Variants in VGLL3 observed in about 807,000 individuals in gnomAD.
The protein encoded by VGLL3 is transcription cofactor vestigial-like protein 3.
A neutral mutation model predicts 29.2 loss-of-function variants in VGLL3; 18 were observed. That is an observed-to-expected ratio of 0.62 (90% CI 0.43 to 0.91). VGLL3 has a LOEUF of 0.91. Among genes scored for constraint, VGLL3 ranks in the 40% least tolerant of loss-of-function variants. VGLL3 has a pLI of 0.00. For synonymous variants in VGLL3, 180 were observed against 151.8 expected (o/e 1.19, Z -1.36); for missense variants, 440 against 413.2 (o/e 1.06, Z -0.56).
intron 3 of VGLL3, 33 bp from the exon 4 acceptor site, chr3:86,947,100 A>C: frequency 1.3e-6 from 1 of 780,154 alleles, no homozygotes; most frequent in South Asian, 1.3e-5. Flanking sequence ...AAAAATAAAG[A>C]ACATTAATAC....
At chr3:86,975,049 CA>C (rs1705179534) in intron 2 of VGLL3, among the ~76,000 whole-genome samples, 2 of 152,160 alleles carry the variant, frequency 1.3e-5, no homozygotes, top group South Asian at 4.1e-4. Flanking sequence ...AAAATCTTTA[CA>C]ATAACTCTAT....
chr3:86,940,422 C>A lies in VGLL3; in HGVS notation c.*6602G>T, dbSNP rs1290815490. 1 of 152,554 alleles carries A rather than the reference C, an allele frequency of 6.6e-6. No homozygotes were observed. The highest frequency in any genetic ancestry group is 1.5e-5 in the Non-Finnish European group (1 of 68,004). 9.5% of individuals were successfully genotyped at this position (152,554 alleles called of 1,614,324 possible). On this transcript the variant is annotated 3_prime_UTR_variant, in exon 4 of 4. Coordinates refer to ENST00000398399, the MANE Select transcript of VGLL3 (RefSeq NM_016206.4). Reference sequence around the variant, plus strand: ...AATATACCCCATTTCATTTTCTTTTCCATTATAAACATGTATTTTATAATC... The same window carrying A: ...AATATACCCCATTTCATTTTCTTTTACATTATAAACATGTATTTTATAATC...
At chr3:86,963,725 C>G (rs1029664619) in intron 3 of VGLL3, among the ~76,000 whole-genome samples, 2 of 152,120 alleles carry the variant, frequency 1.3e-5, no homozygotes, top group Admixed American at 1.3e-4. Flanking sequence ...AATTTAATCT[C>G]AAAACAATCC....
rs1454699828 is a variant in VGLL3 at position 86,941,055 on chromosome 3, G to A, written c.*5969C>T. ...AAATTCACTACACTGTATTTTTGTT[G>A]ACAAAAGCATTTCACCTTACCTAGA... On this transcript the variant is annotated 3_prime_UTR_variant, in exon 4 of 4. Transcript: ENST00000398399. The A allele has an allele frequency of 6.6e-6, 1 of 151,948 alleles. No homozygotes were observed. The highest frequency in any genetic ancestry group is 1.5e-5 in the Non-Finnish European group (1 of 67,800). 9.4% of individuals were successfully genotyped at this position (151,948 alleles called of 1,614,324 possible). A position where few individuals can be genotyped will look rare whatever the true frequency, so the allele number is the denominator to read the frequency against.
intron 3 of VGLL3, among the ~76,000 whole-genome samples, chr3:86,958,039 T>C (rs1440293772): frequency 6.6e-6 from 1 of 152,190 alleles, no homozygotes; most frequent in Non-Finnish European, 1.5e-5. Flanking sequence ...CACACTTTTT[T>C]GTTATTATTT....
chr3:86,967,509 G>A (rs956981568), intron 3 of VGLL3, among the ~76,000 whole-genome samples: 19 of 152,106 alleles, frequency 1.2e-4, no homozygotes, highest in African/African-American at 4.1e-4. Context: ...AAATAAGAAC[G>A]TTCCACTCAT....
At chr3:86,958,707 T>C (rs1325974531) in intron 3 of VGLL3, among the ~76,000 whole-genome samples, 1 of 152,194 alleles carries the variant, frequency 6.6e-6, no homozygotes, top group Non-Finnish European at 1.5e-5. Flanking sequence ...CTCTTATTCA[T>C]CATCCAGTTA....
intron 1 of VGLL3, among the ~76,000 whole-genome samples, chr3:86,986,369 T>C (rs1281958797): frequency 6.6e-6 from 1 of 152,196 alleles, no homozygotes; most frequent in South Asian, 2.1e-4. Flanking sequence ...CCATCATCAT[T>C]GTAATCTCGA....
chr3:86,971,764 C>T (rs1302896152), intron 2 of VGLL3, among the ~76,000 whole-genome samples: 1 of 152,190 alleles, frequency 6.6e-6, no homozygotes, highest in Non-Finnish European at 1.5e-5. Context: ...GTCATACCCA[C>T]AATGAAAGCC....
chr3:86,975,186 C>T (rs971101865), intron 2 of VGLL3, among the ~76,000 whole-genome samples: 2 of 152,138 alleles, frequency 1.3e-5, no homozygotes, highest in South Asian at 4.1e-4. Context: ...AACAAATGGA[C>T]TCCAAAGACT....
chr3:86,964,538 T>G (rs889838020), intron 3 of VGLL3, among the ~76,000 whole-genome samples: 1 of 152,202 alleles, frequency 6.6e-6, no homozygotes, highest in African/African-American at 2.4e-5. Flanking sequence ...GTTGAAATCC[T>G]AACCCCCAAG....
At chr3:86,952,233 C>A (rs933702864) in intron 3 of VGLL3, among the ~76,000 whole-genome samples, 1 of 152,082 alleles carries the variant, frequency 6.6e-6, no homozygotes, top group African/African-American at 2.4e-5. Flanking sequence ...TAAGAATAAA[C>A]ATAATTGATG....
At chr3:86,959,270 A>C (rs1041448580) in intron 3 of VGLL3, among the ~76,000 whole-genome samples, 2 of 152,206 alleles carry the variant, frequency 1.3e-5, no homozygotes, top group Non-Finnish European at 2.9e-5. Flanking sequence ...AATGATTATA[A>C]GTAAACTTTT....
intron 3 of VGLL3, among the ~76,000 whole-genome samples, chr3:86,957,692 T>A (rs1704750972): frequency 6.6e-6 from 1 of 152,156 alleles, no homozygotes; most frequent in African/African-American, 2.4e-5. Flanking sequence ...AATTTCTACA[T>A]CTCTGCAAAT....
intron 3 of VGLL3, among the ~76,000 whole-genome samples, chr3:86,964,859 T>C (rs984724734): frequency 2.6e-5 from 4 of 152,296 alleles, no homozygotes; most frequent in Middle Eastern, 3.4e-3. Context: ...TCTCTACTAA[T>C]GAAAATTTCA....
Position 86,958,579 on chromosome 3 carries a change from G to T in VGLL3, c.937+10011C>A, listed in dbSNP as rs1212184375. Among the ~76,000 whole-genome samples, 5 of 152,170 alleles carry T rather than the reference G, an allele frequency of 3.3e-5. No individual in the cohort carries two copies. The East Asian group carries it at 9.6e-4, about 29-fold the overall frequency. Reference sequence around the variant, plus strand: ...ATTTTATGGAGGAAAGCCCACAGAAGCCCATGGGCATGATAGCTACATGGA... The same window carrying T: ...ATTTTATGGAGGAAAGCCCACAGAATCCCATGGGCATGATAGCTACATGGA... On this transcript the variant is annotated intron_variant, in intron 3 of 3. Coordinates refer to ENST00000398399, the MANE Select transcript of VGLL3 (RefSeq NM_016206.4).
chr3:86,961,945 A>G (rs1704852314), intron 3 of VGLL3: 1 of 980,640 alleles, frequency 1.0e-6, no homozygotes, highest in African/African-American at 1.7e-5. Context: ...TATATAAAAC[A>G]TTTTATATGC....
intron 1 of VGLL3, among the ~76,000 whole-genome samples, chr3:86,980,045 A>C (rs369796821): frequency 9.9e-5 from 15 of 152,234 alleles, no homozygotes; most frequent in East Asian, 9.6e-4. Context: ...ATAATGCTAA[A>C]GATATGAAAT....
At chr3:86,962,364 C>A in intron 3 of VGLL3, 1 of 985,276 alleles carries the variant, frequency 1.0e-6, no homozygotes, top group Non-Finnish European at 1.2e-6. Context: ...CATACACTTG[C>A]ACAGCCCTCA....
Sources: gnomAD v4.1 joint callset for allele counts (sites outside exome capture counted in the v4.1 genomes callset) on GRCh38, gnomAD v4.1.1 for gene constraint, MANE v1.5 for transcripts, NCBI Gene and HGNC (gene_info 2026-07-23, HGNC 2026-07-21) for gene names.